RFTN1: variants seen among roughly 807,000 people sequenced by gnomAD.
RFTN1 encodes the protein raftlin.
RFTN1 carries 26 observed loss-of-function variants against 46.5 expected under a neutral mutation model. That is an observed-to-expected ratio of 0.56 (90% CI 0.41 to 0.78). The LOEUF is 0.78. RFTN1 is among the 30% of genes least tolerant of loss of function. RFTN1 has a pLI of 0.00. For missense variants in RFTN1, 693 were observed against 718.7 expected (o/e 0.96, Z 0.41); for synonymous variants, 261 against 284.2 (o/e 0.92, Z 0.82).
At position 16,427,564 on chromosome 3, in the gene RFTN1, G is replaced by A. The variant is rs994779101; in HGVS notation, c.332+6287C>T. On this transcript the variant is annotated intron_variant, in intron 3 of 9. Coordinates refer to ENST00000334133, the MANE Select transcript of RFTN1 (RefSeq NM_015150.2). This position sits in a 1 kb window ranked among gnomAD's most constrained non-coding sequence, Gnocchi z 5.4. ...AGTACAGCTTGCTGATATGGCCTAA[G>A]AGGAAACATTTCACAGACTCCAAGC... Among the ~76,000 whole-genome samples the A allele has an allele frequency of 6.6e-6, 1 of 152,228 alleles. No individual in the cohort carries two copies. The highest frequency in any genetic ancestry group is 1.5e-5 in the Non-Finnish European group (1 of 68,044).
In RFTN1 at chr3:16,466,893, A is replaced by C. The variant is rs1329242631; in HGVS notation, c.145+26832T>G. Among the ~76,000 whole-genome samples, 2 of 152,212 alleles carry C rather than the reference A, an allele frequency of 1.3e-5. No individual in the cohort carries two copies. Among genetic ancestry groups the C allele is most frequent in the Non-Finnish European group, 2.9e-5 (2 of 68,040 alleles). ...CAAGTCAAGACACAGTAATTACGCT[A>C]CAGACAAAGGGAGGGAGGATAAAAA... is the stretch of plus-strand genomic sequence containing the variant. On this transcript the variant is annotated intron_variant, in intron 2 of 9. Transcript: ENST00000334133. The surrounding 1 kb of genome is among the most constrained non-coding windows in gnomAD (Gnocchi z 5.6).
In RFTN1 at chr3:16,404,272, TATA is replaced by T. The variant is rs1317605539; in HGVS notation, c.441+5100_441+5102del. Among the ~76,000 whole-genome samples the T allele has an allele frequency of 3.7e-4, 10 of 26,742 alleles. 1 individual carries two copies. The highest frequency in any genetic ancestry group is 1.2e-3 in the East Asian group (1 of 810). 17.5% of individuals were successfully genotyped at this position (26,742 alleles called of 152,430 possible). On this transcript the variant is annotated intron_variant, in intron 4 of 9. Transcript: ENST00000334133. ...TATATAATATATAATATATAATATA[TATA>T]ATATGTAATATATAATATATATAAT...
Position 16,402,438 on chromosome 3 carries a change from CA to C in RFTN1, c.441+6936del, listed in dbSNP as rs1427271680. Reference sequence around the variant, plus strand: ...ACTTCCCCTCAACAACCCCCCTCCCCAGGTTCATCTTTTTTAAATGTCACTA... The same window carrying C: ...ACTTCCCCTCAACAACCCCCCTCCCCGGTTCATCTTTTTTAAATGTCACTA... On this transcript the variant is annotated intron_variant, in intron 4 of 9. Transcript: ENST00000334133. This position sits in a 1 kb window ranked among gnomAD's most constrained non-coding sequence, Gnocchi z 4.5. 1.3e-5 allele frequency among the ~76,000 whole-genome samples: 2 copies of C among 152,136 alleles called. No individual in the cohort carries two copies. Among genetic ancestry groups the C allele is most frequent in the Non-Finnish European group, 2.9e-5 (2 of 68,026 alleles).
At position 16,373,985 on chromosome 3, in the gene RFTN1, G is replaced by A. The variant is rs545057951; in HGVS notation, c.827-3706C>T. Among the ~76,000 whole-genome samples, 3 of 152,322 alleles carry A rather than the reference G, an allele frequency of 2.0e-5. No individual in the cohort carries two copies. In the East Asian group the frequency reaches 5.8e-4, roughly 29 times the overall value. Reference sequence around the variant, plus strand: ...GGTACTAATAGCAGGTACTAATAGTGAGGCCCGCTTGCCAGGGCAGCAGGA... The same window carrying A: ...GGTACTAATAGCAGGTACTAATAGTAAGGCCCGCTTGCCAGGGCAGCAGGA... On this transcript the variant is annotated intron_variant, in intron 5 of 9. Transcript: ENST00000334133.
rs750564757 is a variant in RFTN1, at chr3:16,433,652, T to A, written c.332+199A>T. Among the ~76,000 whole-genome samples the A allele has an allele frequency of 2.0e-4, 30 of 152,308 alleles. No individual in the cohort carries two copies. Among genetic ancestry groups the A allele is most frequent in the Non-Finnish European group, 3.5e-4 (24 of 68,026 alleles). ...GGAACTCTCTACTTGCAGTTGGACA[T>A]GCATTTGTTTTTCATCGCAGGATGC... On this transcript the variant is annotated intron_variant, in intron 3 of 9. Coordinates refer to ENST00000334133, the MANE Select transcript of RFTN1 (RefSeq NM_015150.2). This position sits in a 1 kb window ranked among gnomAD's most constrained non-coding sequence, Gnocchi z 4.4.
chr3:16,468,360 C>T lies in RFTN1; in HGVS notation c.145+25365G>A, dbSNP rs1019056099. ...AGTTTCCGGTAGATAAGTAGGGCTCCCTTAGATGCTGTCTGCCTATACCCC... is the reference window on the plus strand; with the variant it reads ...AGTTTCCGGTAGATAAGTAGGGCTCTCTTAGATGCTGTCTGCCTATACCCC... On this transcript the variant is annotated intron_variant, in intron 2 of 9. Coordinates refer to ENST00000334133, the MANE Select transcript of RFTN1 (RefSeq NM_015150.2). The surrounding 1 kb of genome is among the most constrained non-coding windows in gnomAD (Gnocchi z 4.4). 6.6e-6 allele frequency among the ~76,000 whole-genome samples: 1 copy of T among 152,108 alleles called. No individual in the cohort carries two copies. Among genetic ancestry groups the T allele is most frequent in the African/African-American group, 2.4e-5 (1 of 41,406 alleles).
rs1297822308 is a variant in RFTN1, at chr3:16,383,327, A to C, written c.442-5225T>G. Among the ~76,000 whole-genome samples the C allele has an allele frequency of 6.6e-6, 1 of 152,150 alleles. No individual in the cohort carries two copies. Among genetic ancestry groups the C allele is most frequent in the Non-Finnish European group, 1.5e-5 (1 of 68,004 alleles). ...AGAACCCACCTGCCCCAAATACTTA[A>C]AGAGTAACAATTTCTGGTTGAGGCA... On this transcript the variant is annotated intron_variant, in intron 4 of 9. Transcript: ENST00000334133. This position sits in a 1 kb window ranked among gnomAD's most constrained non-coding sequence, Gnocchi z 4.0.
chr3:16,339,256 A>T (rs1415663546), intron 7 of RFTN1: 1 of 152,286 alleles, frequency 6.6e-6, no homozygotes, highest in East Asian at 1.9e-4. Flanking sequence ...TGTCAGTATC[A>T]TGTTGCTATG....
chr3:16,467,730 A>G (rs1019045610), intron 2 of RFTN1, among the ~76,000 whole-genome samples: 1 of 152,262 alleles, frequency 6.6e-6, no homozygotes, highest in African/African-American at 2.4e-5. Flanking sequence ...CTTCAGGGGC[A>G]TGCAAGTGAA....
Position 16,466,115 on chromosome 3 carries a change from G to A in RFTN1, c.145+27610C>T, listed in dbSNP as rs1030143843. On this transcript the variant is annotated intron_variant, in intron 2 of 9. Coordinates refer to ENST00000334133, the MANE Select transcript of RFTN1 (RefSeq NM_015150.2). This position sits in a 1 kb window ranked among gnomAD's most constrained non-coding sequence, Gnocchi z 5.6. Reference sequence around the variant, plus strand: ...CAGTGCTCAATTTTGGGGTCCAAGCGCTTGAATGCAGGATACACCATGCAC... The same window carrying A: ...CAGTGCTCAATTTTGGGGTCCAAGCACTTGAATGCAGGATACACCATGCAC... Among the ~76,000 whole-genome samples the A allele has an allele frequency of 4.6e-5, 7 of 152,154 alleles. No homozygotes were observed. The highest frequency in any genetic ancestry group is 1.2e-4 in the African/African-American group (5 of 41,430).
rs2124922257 is a variant in RFTN1, at chr3:16,457,958, C to T, written c.146-23921G>A. Among the ~76,000 whole-genome samples, 1 of 152,236 alleles carries T rather than the reference C, an allele frequency of 6.6e-6. No individual in the cohort carries two copies. Among genetic ancestry groups the T allele is most frequent in the South Asian group, 2.1e-4 (1 of 4,820 alleles). ...GTCCTTTTTGCCTTCTGCCTTCCAC[C>T]ATGTGAGGACACAGCATTCCACCCC... On this transcript the variant is annotated intron_variant, in intron 2 of 9. Transcript: ENST00000334133. This position sits in a 1 kb window ranked among gnomAD's most constrained non-coding sequence, Gnocchi z 4.2.
At chr3:16,482,008 G>A (rs1255758508) in intron 2 of RFTN1, among the ~76,000 whole-genome samples, 1 of 152,102 alleles carries the variant, frequency 6.6e-6, no homozygotes, top group Non-Finnish European at 1.5e-5. Flanking sequence ...TTTTAAAGCT[G>A]GGAACAACAG....
chr3:16,455,731 A>C (rs1460268235), intron 2 of RFTN1, among the ~76,000 whole-genome samples: 1 of 152,184 alleles, frequency 6.6e-6, no homozygotes. Context: ...CAGATAACCA[A>C]CTAGTAGAGT....
chr3:16,409,176 T>C (rs1246467908), intron 4 of RFTN1, among the ~76,000 whole-genome samples, 199 bp downstream of exon 4: 2 of 152,162 alleles, frequency 1.3e-5, no homozygotes, highest in Non-Finnish European at 2.9e-5. Context: ...CCTGCATGCC[T>C]GGGGAGGAGG....
At position 16,376,957 on chromosome 3, in the gene RFTN1, T is replaced by C. The variant is rs1320708160; in HGVS notation, c.826+761A>G. Among the ~76,000 whole-genome samples, 1 of 152,132 alleles carries C rather than the reference T, an allele frequency of 6.6e-6. No homozygotes were observed. Among genetic ancestry groups the C allele is most frequent in the Non-Finnish European group, 1.5e-5 (1 of 67,996 alleles). On this transcript the variant is annotated intron_variant, in intron 5 of 9. Transcript: ENST00000334133. The surrounding 1 kb of genome is among the most constrained non-coding windows in gnomAD (Gnocchi z 4.7). ...GAAAGGCCTAAACAGAAAGCCCTCC[T>C]AAGCCCTGGGGGTCTTCTGTTAGTT...
intron 4 of RFTN1, among the ~76,000 whole-genome samples, chr3:16,405,927 G>T (rs1188014185): frequency 6.6e-6 from 1 of 152,094 alleles, no homozygotes; most frequent in East Asian, 1.9e-4. Flanking sequence ...AGTTGAGGCG[G>T]CCAATGACAC....
intron 7 of RFTN1, chr3:16,350,181 C>T (rs1190763866): frequency 6.6e-6 from 1 of 152,302 alleles, no homozygotes; most frequent in East Asian, 1.9e-4. Flanking sequence ...TCCTGTAATT[C>T]CTTCCATGTC....
At chr3:16,478,430 G>A (rs1347495102) in intron 2 of RFTN1, among the ~76,000 whole-genome samples, 3 of 152,178 alleles carry the variant, frequency 2.0e-5, no homozygotes, top group Non-Finnish European at 4.4e-5. Context: ...TTGAAACCAG[G>A]TTGGTTCAAG....
In RFTN1 at chr3:16,446,215, G is replaced by T. The variant is rs2075726431; in HGVS notation, c.146-12178C>A. Among the ~76,000 whole-genome samples the T allele has an allele frequency of 6.6e-6, 1 of 151,382 alleles. No homozygotes were observed. Among genetic ancestry groups the T allele is most frequent in the African/African-American group, 2.4e-5 (1 of 41,084 alleles). Reference sequence around the variant, plus strand: ...GGGCCCTAAAGCAGATTAGCCACAAGACCAAGATGAAAGAACCATAATGAG... The same window carrying T: ...GGGCCCTAAAGCAGATTAGCCACAATACCAAGATGAAAGAACCATAATGAG... On this transcript the variant is annotated intron_variant, in intron 2 of 9. Coordinates refer to ENST00000334133, the MANE Select transcript of RFTN1 (RefSeq NM_015150.2). The surrounding 1 kb of genome is among the most constrained non-coding windows in gnomAD (Gnocchi z 4.5).
Sources: gnomAD v4.1 joint callset for allele counts (sites outside exome capture counted in the v4.1 genomes callset) on GRCh38, gnomAD v4.1.1 for gene constraint, Gnocchi (gnomAD v3.1) non-coding constraint, MANE v1.5 for transcripts, NCBI Gene and HGNC (gene_info 2026-07-23, HGNC 2026-07-21) for gene names.